Variants in TRIM2 observed in about 807,000 individuals in gnomAD.
TRIM2 encodes tripartite motif-containing protein 2.
A neutral mutation model predicts 75.2 loss-of-function variants in TRIM2; 20 were observed. The ratio of observed to expected loss-of-function variants is 0.27; its 90% CI spans 0.19 to 0.39. The LOEUF is 0.39. Among genes scored for constraint, TRIM2 ranks in the 10% least tolerant of loss-of-function variants. The pLI is 1.00. For synonymous variants in TRIM2, 373 were observed against 388.3 expected (o/e 0.96, Z 0.46); for missense variants, 660 against 990.8 (o/e 0.67, Z 4.48).
Position 153,328,675 on chromosome 4 carries a change from A to G in TRIM2, c.2163+5A>G. 1 of 1,605,820 alleles carries G rather than the reference A, an allele frequency of 6.2e-7. No individual in the cohort carries two copies. The highest frequency in any genetic ancestry group is 2.2e-5 in the East Asian group (1 of 44,648). ...TGGGGAAACAGCAGGATCCAGGTAG[A>G]TCAATGTGCTAATGTATATGGTTAG... On this transcript the variant is annotated splice_donor_5th_base_variant and intron_variant, in intron 11 of 11. Transcript: ENST00000338700.
At chr4:153,205,036 T>G (rs1009965720) in intron 1 of TRIM2, among the ~76,000 whole-genome samples, 1 of 152,164 alleles carries the variant, frequency 6.6e-6, no homozygotes, top group African/African-American at 2.4e-5. Flanking sequence ...TATAAATAGG[T>G]CTATTCAGAA....
In TRIM2 at chr4:153,231,823, T is replaced by C. The variant is rs114426275; in HGVS notation, c.30+27263T>C. The stretch of plus-strand genomic sequence containing the variant: ...CCCCTTTTTGTAAGGACATCAGTCA[T>C]ATTGGATTAGGGCCCACTCTAATGA... On this transcript the variant is annotated intron_variant, in intron 1 of 11. Coordinates refer to ENST00000338700, the MANE Select transcript of TRIM2 (RefSeq NM_015271.5). Among the ~76,000 whole-genome samples the C allele has an allele frequency of 5.9e-3, 902 of 152,216 alleles. 12 individuals carry two copies. Among genetic ancestry groups the C allele is most frequent in the African/African-American group, 0.021 (853 of 41,522 alleles).
chr4:153,269,626 T>C (rs2150031216), intron 1 of TRIM2, among the ~76,000 whole-genome samples: 1 of 152,298 alleles, frequency 6.6e-6, no homozygotes, highest in South Asian at 2.1e-4. Flanking sequence ...TCAATTTCAA[T>C]AAGAATATGA....
Position 153,324,222 on chromosome 4 carries a change from C to T in TRIM2, c.2022+74C>T, listed in dbSNP as rs558768414. 48 of 1,279,882 alleles carry T rather than the reference C, an allele frequency of 3.8e-5. 1 individual carries two copies. In the African/African-American group the frequency reaches 5.2e-4, roughly 14 times the overall value. The allele number at this position is 1,279,882 out of a possible 1,614,324, so 79.3% of individuals were successfully genotyped here. On this transcript the variant is annotated intron_variant, in intron 10 of 11. Coordinates refer to ENST00000338700, the MANE Select transcript of TRIM2 (RefSeq NM_015271.5). ...GAAATTGGTCTGCGAGAAAATAATG[C>T]AATACTTACATATGGCACCAAAGGG...
chr4:153,320,451 G>A (rs999417483), intron 8 of TRIM2, among the ~76,000 whole-genome samples: 3 of 152,184 alleles, frequency 2.0e-5, no homozygotes, highest in Non-Finnish European at 4.4e-5. Flanking sequence ...GATAAAATAA[G>A]AAGGCTAAAG....
At chr4:153,315,766 T>G in intron 7 of TRIM2, 66 bp from the exon 8 acceptor site, 6 of 1,580,070 alleles carry the variant, frequency 3.8e-6, no homozygotes, top group Non-Finnish European at 5.2e-6. Context: ...CAGATGTTTC[T>G]GCCTATGCCT....
chr4:153,208,887 C>A (rs1736184859), intron 1 of TRIM2, among the ~76,000 whole-genome samples: 1 of 152,164 alleles, frequency 6.6e-6, no homozygotes, highest in Non-Finnish European at 1.5e-5. Flanking sequence ...GCCTGCAAGG[C>A]AAGGTCTGGA....
At chr4:153,202,244 G>C (rs920005546), upstream of TRIM2, among the ~76,000 whole-genome samples, 1 of 152,138 alleles carries the variant, frequency 6.6e-6, no homozygotes, top group Admixed American at 6.5e-5. Flanking sequence ...CAACTACTGT[G>C]TTCATTTTGA....
chr4:153,265,755 CTCA>C (rs1468183934), intron 1 of TRIM2: 2 of 140,590 alleles, frequency 1.4e-5, no homozygotes, highest in East Asian at 2.0e-4. Context: ...AAAGTGAGCA[CTCA>C]TCATTTTTAC....
At chr4:153,268,321 C>G (rs1755798419) in intron 1 of TRIM2, among the ~76,000 whole-genome samples, 1 of 152,044 alleles carries the variant, frequency 6.6e-6, no homozygotes, top group African/African-American at 2.4e-5. Flanking sequence ...CAAAGGGAGA[C>G]TGGTCCTTAG....
At chr4:153,223,423 A>G (rs1338261326) in intron 1 of TRIM2, among the ~76,000 whole-genome samples, 1 of 152,184 alleles carries the variant, frequency 6.6e-6, no homozygotes. Context: ...TTCTTTAAAA[A>G]CATGTTTGGT....
At chr4:153,264,459 C>G (rs1401210794) in intron 1 of TRIM2, among the ~76,000 whole-genome samples, 1 of 152,178 alleles carries the variant, frequency 6.6e-6, no homozygotes, top group Non-Finnish European at 1.5e-5. Context: ...TATAGAAGAG[C>G]AGTTCTATAT....
intron 3 of TRIM2, among the ~76,000 whole-genome samples, chr4:153,278,041 C>T (rs1303094336): frequency 3.3e-5 from 5 of 152,070 alleles, no homozygotes; most frequent in African/African-American, 4.8e-5. Context: ...TCTCTGGAGA[C>T]GTGACTTGAT....
intron 1 of TRIM2, chr4:153,266,893 G>GTTTTTTTTTTTTTTTT: frequency 8.6e-6 from 1 of 116,700 alleles, no homozygotes; most frequent in Non-Finnish European, 1.7e-5. Flanking sequence ...AATTTTCTGG[G>GTTTTTTTTTTTTTTTT]TTTTTTTTTT....
At chr4:153,303,800 G>A (rs552956598) in intron 6 of TRIM2, among the ~76,000 whole-genome samples, 10 of 152,254 alleles carry the variant, frequency 6.6e-5, no homozygotes, top group Middle Eastern at 3.4e-3. Flanking sequence ...CATGACATTC[G>A]TCATTTTCTG....
chr4:153,287,372 G>T (rs769475630), intron 3 of TRIM2, among the ~76,000 whole-genome samples: 1 of 152,182 alleles, frequency 6.6e-6, no homozygotes, highest in Non-Finnish European at 1.5e-5. Flanking sequence ...AATCCAATCT[G>T]CCAGTATCAG....
chr4:153,248,464 C>T lies in TRIM2; in HGVS notation c.31-21871C>T, dbSNP rs1749906532. Among the ~76,000 whole-genome samples the T allele has an allele frequency of 6.6e-6, 1 of 152,200 alleles. No individual in the cohort carries two copies. The highest frequency in any genetic ancestry group is 1.9e-4 in the East Asian group (1 of 5,184). ...AAGTGGCAGAGCCAGGATCCAAACC[C>T]ATTCTTGGCTCTAGAGCCCATCCTC... is the stretch of plus-strand genomic sequence containing the variant. On this transcript the variant is annotated intron_variant, in intron 1 of 11. Transcript: ENST00000338700. This position sits in a 1 kb window ranked among gnomAD's most constrained non-coding sequence, Gnocchi z 4.0.
At chr4:153,259,823 T>C (rs926675375) in intron 1 of TRIM2, among the ~76,000 whole-genome samples, 1 of 152,196 alleles carries the variant, frequency 6.6e-6, no homozygotes, top group Non-Finnish European at 1.5e-5. Context: ...AATTGGAGCT[T>C]TAGATTGGAC....
intron 8 of TRIM2, among the ~76,000 whole-genome samples, chr4:153,322,058 CT>C (rs1769111252): frequency 6.6e-6 from 1 of 152,184 alleles, no homozygotes; most frequent in Admixed American, 6.5e-5. Context: ...CAGCAGGGAA[CT>C]GTGACCCCAG....
Sources: allele counts gnomAD v4.1 joint callset (sites outside exome capture counted in the v4.1 genomes callset), GRCh38; gene constraint gnomAD v4.1.1; non-coding constraint Gnocchi (gnomAD v3.1); transcripts MANE v1.5; gene names NCBI Gene and HGNC (gene_info 2026-07-23, HGNC 2026-07-21).